The following MYCBP2 variants were observed in gnomAD, a reference collection of about 807,000 sequenced individuals.
MYCBP2 encodes MYC binding protein 2.
MYCBP2 carries 120 observed loss-of-function variants against 525.3 expected under a neutral mutation model. The observed-to-expected ratio is 0.23, with a 90% CI of 0.20 to 0.27. The LOEUF (loss-of-function observed/expected upper bound fraction) is 0.27. MYCBP2 is among the 10% of genes least tolerant of loss of function. MYCBP2 has a pLI of 1.00. For missense variants in MYCBP2, 4,149 were observed against 5,657.1 expected, an observed-to-expected ratio of 0.73 and a Z score of 8.55; for synonymous variants, 1,894 against 1,955.8, an observed-to-expected ratio of 0.97 and a Z score of 0.83.
At chr13:77,118,314 G>A (rs2050124448) in intron 55 of MYCBP2, 4 of 738,312 alleles carry the variant, frequency 5.4e-6, no homozygotes, top group South Asian at 2.8e-5. Context: ...AATGCTTGAT[G>A]AGGCAGGTAA....
At chr13:77,187,162 A>C (rs1329462680) in intron 30 of MYCBP2, among the ~76,000 whole-genome samples, 2 of 152,218 alleles carry the variant, frequency 1.3e-5, no homozygotes, top group African/African-American at 2.4e-5. Flanking sequence ...TATAAAGTCT[A>C]CAATTACCTA....
chr13:77,174,369 A>G lies in MYCBP2; in HGVS notation c.5593T>C (p.Leu1865=), dbSNP rs2059414372. The change falls in exon 37 of 83, where the codon TTG becomes CTG. Residue 1865 remains leucine (L), a synonymous_variant. Coordinates refer to ENST00000544440, the MANE Select transcript of MYCBP2 (RefSeq NM_015057.5). ...GVTFTFSTCS[L]SSNGTNQTRG... is the part of the protein sequence containing the mutation. ...GTTTGGTTTGTGCCGTTACTGCTCA[A>G]GCTGCACGTGCTGAATGTGAATGTC... 6.2e-7 allele frequency: 1 copy of G among 1,614,048 alleles called. No homozygotes were observed. The highest frequency in any genetic ancestry group is 1.3e-5 in the African/African-American group (1 of 74,940).
chr13:77,047,645 G>A (rs1442263487), intron 82 of MYCBP2, among the ~76,000 whole-genome samples: 1 of 152,118 alleles, frequency 6.6e-6, no homozygotes, highest in African/African-American at 2.4e-5. Flanking sequence ...ACTAGCACAG[G>A]GCATTGTGCC....
chr13:77,193,281 A>T (rs2154260421), intron 27 of MYCBP2, among the ~76,000 whole-genome samples: 1 of 152,286 alleles, frequency 6.6e-6, no homozygotes, highest in South Asian at 2.1e-4. Flanking sequence ...TTACTAAAAA[A>T]ATCTTGCGAT....
At chr13:77,214,396 G>A (rs2064488346) in intron 21 of MYCBP2, among the ~76,000 whole-genome samples, 1 of 151,652 alleles carries the variant, frequency 6.6e-6, no homozygotes, top group Non-Finnish European at 1.5e-5. Context: ...ATAAACATGA[G>A]AAACTGAATG....
chr13:77,080,382 T>C (rs1181252965), intron 65 of MYCBP2: 1 of 152,282 alleles, frequency 6.6e-6, no homozygotes, highest in Non-Finnish European at 1.5e-5. Context: ...ATTAATACTG[T>C]ATCTGCTAGC....
At position 77,165,260 on chromosome 13, in the gene MYCBP2, A is replaced by T; in HGVS notation, c.6459+13T>A. On this transcript the variant is annotated intron_variant, in intron 42 of 82. Coordinates refer to ENST00000544440, the MANE Select transcript of MYCBP2 (RefSeq NM_015057.5). The stretch of plus-strand genomic sequence containing the variant: ...ATCTTCCTTAAAAGAATGAAAAGAT[A>T]ATTCATTCTTACCTCATCAGGTCCA... The T allele has an allele frequency of 1.3e-6, 2 of 1,536,024 alleles. No homozygotes were observed. The highest frequency in any genetic ancestry group is 2.3e-5 in the East Asian group (1 of 44,442).
At chr13:77,089,423 T>C (rs1056918351) in intron 60 of MYCBP2, among the ~76,000 whole-genome samples, 1 of 152,136 alleles carries the variant, frequency 6.6e-6, no homozygotes, top group Non-Finnish European at 1.5e-5. Flanking sequence ...AACCTATAAA[T>C]TGCTGGACAA....
chr13:77,140,855 C>T lies in MYCBP2; in HGVS notation c.7392G>A (p.Gln2464=), dbSNP rs750374422. 1.1e-5 allele frequency: 17 copies of T among 1,609,770 alleles called. No individual in the cohort carries two copies. The highest frequency in any genetic ancestry group is 2.2e-5 in the East Asian group (1 of 44,648). Residue 2464 remains glutamine (Q), a synonymous_variant, in exon 50 of 83, where the codon CAG becomes CAA. Transcript: ENST00000544440. ...TTCATTCTGCCCTAACCTTATTAGG[C>T]TGAGGTTCAGACTTTGGTTTGACCA... The part of the protein sequence containing the change: ...TQLVKPKSEP[Q]PNKVRKFVAK...
chr13:77,169,844 T>C (rs1041519871), intron 38 of MYCBP2, 130 bp from the exon 39 acceptor site: 1 of 739,810 alleles, frequency 1.4e-6, no homozygotes, highest in Non-Finnish European at 2.3e-6. Flanking sequence ...TGGGTGCTTG[T>C]CAAGGGCCTG....
At chr13:77,116,788 C>A (rs921683070) in intron 55 of MYCBP2, among the ~76,000 whole-genome samples, 1 of 151,926 alleles carries the variant, frequency 6.6e-6, no homozygotes, top group Non-Finnish European at 1.5e-5. Flanking sequence ...AGAGACAAAT[C>A]AACTTTTATT....
intron 54 of MYCBP2, among the ~76,000 whole-genome samples, chr13:77,122,963 G>A (rs1444903290): frequency 2.6e-5 from 4 of 152,262 alleles, no homozygotes; most frequent in Admixed American, 2.0e-4. Context: ...GGAAAAGATA[G>A]CACTGCTTCC....
chr13:77,202,766 G>T (rs2062790526), intron 26 of MYCBP2, among the ~76,000 whole-genome samples: 1 of 152,034 alleles, frequency 6.6e-6, no homozygotes, highest in African/African-American at 2.4e-5. Context: ...ATGTAATCCA[G>T]CATATAAACA....
intron 48 of MYCBP2, among the ~76,000 whole-genome samples, chr13:77,145,223 C>T (rs186942286): frequency 6.6e-6 from 1 of 152,282 alleles, no homozygotes; most frequent in African/African-American, 2.4e-5. Flanking sequence ...ATGACCACCA[C>T]GTCCCCAAGT....
chr13:77,267,160 C>A (rs2074223009), intron 8 of MYCBP2, among the ~76,000 whole-genome samples: 1 of 151,854 alleles, frequency 6.6e-6, no homozygotes, highest in Non-Finnish European at 1.5e-5. Flanking sequence ...ATTCAAAGAT[C>A]TTACAATAAA....
chr13:77,141,655 T>C (rs1357475106), intron 49 of MYCBP2, among the ~76,000 whole-genome samples: 1 of 151,378 alleles, frequency 6.6e-6, no homozygotes, highest in African/African-American at 2.4e-5. Flanking sequence ...CCTGTAATTC[T>C]AGGTACTCAG....
intron 18 of MYCBP2, among the ~76,000 whole-genome samples, chr13:77,229,192 C>T (rs554064028): frequency 1.3e-5 from 2 of 152,234 alleles, no homozygotes; most frequent in South Asian, 4.2e-4. Context: ...GCTTTCCTAT[C>T]TATAATATAG....
intron 3 of MYCBP2, 69 bp downstream of exon 3, chr13:77,288,092 T>C (rs915021552): frequency 7.6e-6 from 11 of 1,452,720 alleles, no homozygotes; most frequent in African/African-American, 2.8e-5. Flanking sequence ...TAGCAATGCG[T>C]ATATATGCAT....
At chr13:77,273,792 C>T in intron 4 of MYCBP2, 124 bp from the exon 5 acceptor site, 1 of 681,210 alleles carries the variant, frequency 1.5e-6, no homozygotes, top group Non-Finnish European at 2.1e-6. Context: ...AATTACTTTG[C>T]TTTAGTTTCT....
Sources: gnomAD v4.1 joint callset for allele counts (sites outside exome capture counted in the v4.1 genomes callset) on GRCh38, gnomAD v4.1.1 for gene constraint, MANE v1.5 for transcripts, NCBI Gene and HGNC (gene_info 2026-07-23, HGNC 2026-07-21) for gene names.